LYZL2: variants seen among roughly 807,000 people sequenced by gnomAD.
The protein encoded by LYZL2 is lysozyme-like protein 2.
Under a neutral mutation model 17.1 loss-of-function variants are expected in LYZL2, and 13 were observed. The observed-to-expected ratio is 0.76, with a 90% CI of 0.49 to 1.21. LYZL2 has a LOEUF of 1.21. LYZL2 is among the 50% of genes most tolerant of loss of function. The pLI is 0.00. For synonymous variants in LYZL2, 63 were observed against 74.4 expected (o/e 0.85, Z 0.79); for missense variants, 166 against 189.2 (o/e 0.88, Z 0.72).
At chr10:30,621,838 A>G (rs1042364921) in intron 3 of LYZL2, among the ~76,000 whole-genome samples, 1 of 152,198 alleles carries the variant, frequency 6.6e-6, no homozygotes, top group Non-Finnish European at 1.5e-5. Context: ...ATTGGAAATA[A>G]TAATGTGTAA....
intron 3 of LYZL2, among the ~76,000 whole-genome samples, chr10:30,625,144 A>G (rs1205509368): frequency 3.3e-5 from 5 of 152,180 alleles, no homozygotes; most frequent in Admixed American, 6.5e-5. Context: ...GAGCACCTTG[A>G]CTTCAGCCCT....
chr10:30,620,266 T>C (rs365937), intron 3 of LYZL2, among the ~76,000 whole-genome samples: 131,622 of 152,268 alleles, frequency 0.86, 57,517 homozygotes, highest in African/African-American at 0.94. Flanking sequence ...AGCTACTGAG[T>C]AAGTGCACCA....
At chr10:30,618,179 TACAA>T (rs2132941723) in intron 3 of LYZL2, among the ~76,000 whole-genome samples, 2 of 151,960 alleles carry the variant, frequency 1.3e-5, no homozygotes, top group Non-Finnish European at 2.9e-5. Context: ...TAAAAGAGGA[TACAA>T]ACAAATGGAA....
chr10:30,611,570 G>GGAAT (rs1491344870), downstream of LYZL2, among the ~76,000 whole-genome samples: 1 of 54,094 alleles, frequency 1.8e-5, no homozygotes, highest in Non-Finnish European at 3.5e-5. Flanking sequence ...AAGGAAGGAA[G>GGAAT]GAAAGAAAGA....
chr10:30,627,773 A>C (rs1324938534), intron 1 of LYZL2, among the ~76,000 whole-genome samples: 1 of 152,146 alleles, frequency 6.6e-6, no homozygotes, highest in African/African-American at 2.4e-5. Context: ...CCCGACCCCT[A>C]CATTTGTTCA....
chr10:30,611,825 T>C lies in LYZL2; in HGVS notation c.*130A>G, dbSNP rs1368673712. The C allele has an allele frequency of 6.7e-7, 1 of 1,496,006 alleles. No individual in the cohort carries two copies. Among genetic ancestry groups the C allele is most frequent in the Non-Finnish European group, 9.1e-7 (1 of 1,099,208 alleles). The allele number at this position is 1,496,006 out of a possible 1,614,324, so 92.7% of individuals were successfully genotyped here. A position where few individuals can be genotyped will look rare whatever the true frequency, so the allele number is the denominator to read the frequency against. ...GGAAATATTTATTTTCTTAAAAGTATAGCTTAATTTTCCCTCTCCAAGTTT... is the reference window on the plus strand; with the variant it reads ...GGAAATATTTATTTTCTTAAAAGTACAGCTTAATTTTCCCTCTCCAAGTTT... On this transcript the variant is annotated 3_prime_UTR_variant, in exon 5 of 5. Transcript: ENST00000647634.
intron 3 of LYZL2, among the ~76,000 whole-genome samples, chr10:30,616,262 C>T (rs1216811272): frequency 1.3e-5 from 2 of 152,216 alleles, no homozygotes; most frequent in East Asian, 3.9e-4. Context: ...AAACAAAATT[C>T]TATTAACCAG....
intron 1 of LYZL2, among the ~76,000 whole-genome samples, chr10:30,627,925 C>G (rs1032328951): frequency 2.6e-5 from 4 of 152,124 alleles, no homozygotes; most frequent in African/African-American, 9.7e-5. Flanking sequence ...TTTGGGAGGC[C>G]GAGACGGGCG....
intron 3 of LYZL2, 25 bp downstream of exon 3, chr10:30,626,080 C>A: frequency 6.2e-7 from 1 of 1,605,610 alleles, no homozygotes; most frequent in Non-Finnish European, 8.5e-7. Context: ...CTGAGGATGG[C>A]ATCACTGGAA....
intron 1 of LYZL2, 67 bp downstream of exon 1, chr10:30,629,526 C>G (rs1838772297): frequency 2.6e-6 from 4 of 1,549,086 alleles, no homozygotes; most frequent in Non-Finnish European, 3.5e-6. Context: ...TGTTCTACAT[C>G]CTTCAAGAAC....
intron 3 of LYZL2, among the ~76,000 whole-genome samples, chr10:30,617,706 A>G (rs183030390): frequency 0.014 from 2,142 of 149,270 alleles, 25 homozygotes; most frequent in Non-Finnish European, 0.022. Flanking sequence ...AAAGAAAAGA[A>G]AAAGAAAAAA....
In LYZL2 at chr10:30,628,762, C is replaced by T. The variant is rs908139366; in HGVS notation, c.-26+831G>A. ...GTAGTCATCAGCAAGGCCACCGCACCGAGTAACAAGCAGGGCTTTAAGGTG... is the reference window on the plus strand; with the variant it reads ...GTAGTCATCAGCAAGGCCACCGCACTGAGTAACAAGCAGGGCTTTAAGGTG... On this transcript the variant is annotated intron_variant, in intron 1 of 4. Transcript: ENST00000647634. Among the ~76,000 whole-genome samples, 15 of 152,246 alleles carry T rather than the reference C, an allele frequency of 9.9e-5. No homozygotes were observed. In the South Asian group the frequency reaches 2.7e-3, roughly 27 times the overall value.
intron 4 of LYZL2, 143 bp from the exon 5 acceptor site, chr10:30,612,167 G>A (rs1239770134): frequency 3.0e-6 from 3 of 1,015,170 alleles, no homozygotes; most frequent in African/African-American, 3.2e-5. Flanking sequence ...AAAGGACGCT[G>A]TCATTTTGCC....
At chr10:30,622,991 C>T (rs1428851569) in intron 3 of LYZL2, among the ~76,000 whole-genome samples, 3 of 152,054 alleles carry the variant, frequency 2.0e-5, no homozygotes, top group Admixed American at 6.6e-5. Flanking sequence ...TCAAAGAAAG[C>T]GAGAGTGGGC....
intron 4 of LYZL2, among the ~76,000 whole-genome samples, chr10:30,612,376 G>A (rs1451511906): frequency 6.6e-6 from 1 of 152,188 alleles, no homozygotes; most frequent in Non-Finnish European, 1.5e-5. Context: ...TGCTGGGGAC[G>A]CTTTCTGCTG....
chr10:30,627,767 A>G (rs1256649081), intron 1 of LYZL2, among the ~76,000 whole-genome samples: 2 of 152,082 alleles, frequency 1.3e-5, no homozygotes. Flanking sequence ...TGGCACCCCG[A>G]CCCCTACATT....
chr10:30,621,911 A>T (rs1192174189), intron 3 of LYZL2, among the ~76,000 whole-genome samples: 1 of 152,204 alleles, frequency 6.6e-6, no homozygotes, highest in East Asian at 1.9e-4. Flanking sequence ...TTTAAAGAAA[A>T]AATTATAAAA....
At chr10:30,618,551 A>C (rs1259512809) in intron 3 of LYZL2, among the ~76,000 whole-genome samples, 1 of 152,246 alleles carries the variant, frequency 6.6e-6, no homozygotes, top group Non-Finnish European at 1.5e-5. Context: ...TCTTTGACAA[A>C]CCTGACAAAA....
chr10:30,629,751 C>T lies in LYZL2; in HGVS notation c.-184G>A. The T allele has an allele frequency of 6.4e-7, 1 of 1,565,590 alleles. No individual in the cohort carries two copies. The highest frequency in any genetic ancestry group is 8.7e-7 in the Non-Finnish European group (1 of 1,150,496). ...TCTAACAAGGCTCGAGTAATCCTTT[C>T]CTAGCTCAAGAACCTTTCTTTAGAG... On this transcript the variant is annotated 5_prime_UTR_variant, in exon 1 of 5. Transcript: ENST00000647634.
Sources: allele counts gnomAD v4.1 joint callset (sites outside exome capture counted in the v4.1 genomes callset), GRCh38; gene constraint gnomAD v4.1.1; transcripts MANE v1.5; gene names NCBI Gene and HGNC (gene_info 2026-07-23, HGNC 2026-07-21).